Variants in NRP1 observed in about 807,000 individuals in gnomAD.
NRP1 encodes neuropilin-1.
Under a neutral mutation model 106.7 loss-of-function variants are expected in NRP1, and 35 were observed. The ratio of observed to expected loss-of-function variants is 0.33; its 90% CI spans 0.25 to 0.43. NRP1 has a LOEUF of 0.43. Ranked by LOEUF, NRP1 falls within the 20% of genes least tolerant of loss-of-function variation. The pLI, the probability that NRP1 is intolerant of heterozygous loss-of-function variation, is 1.00. For synonymous variants in NRP1, 437 were observed against 417.9 expected (o/e 1.05, Z -0.56); for missense variants, 1,024 against 1,170.4 (o/e 0.87, Z 1.83).
intron 2 of NRP1, among the ~76,000 whole-genome samples, chr10:33,310,477 C>T (rs547766570): frequency 2.0e-5 from 3 of 151,786 alleles, no homozygotes; most frequent in African/African-American, 7.3e-5. Context: ...TTTTGAACTC[C>T]TGACCTCAAG....
intron 8 of NRP1, among the ~76,000 whole-genome samples, chr10:33,221,011 G>A (rs1159384640): frequency 6.6e-6 from 1 of 151,912 alleles, no homozygotes; most frequent in African/African-American, 2.4e-5. Context: ...TGGGAGGATA[G>A]CTTGAGTCCA....
chr10:33,237,576 C>CTT (rs36019831), intron 6 of NRP1, among the ~76,000 whole-genome samples: 1,682 of 99,850 alleles, frequency 0.017, 158 homozygotes, highest in East Asian at 0.1. Context: ...TTTCCTTCTT[C>CTT]TTTTTTTTTT....
intron 2 of NRP1, 40 bp downstream of exon 2, chr10:33,330,668 A>G: frequency 6.4e-7 from 1 of 1,561,478 alleles, no homozygotes; most frequent in South Asian, 1.2e-5. Flanking sequence ...TGACCACTAG[A>G]TGGTGCTGTG....
chr10:33,193,578 GAACTTA>G (rs1836566861), intron 12 of NRP1, among the ~76,000 whole-genome samples: 2 of 152,176 alleles, frequency 1.3e-5, no homozygotes, highest in African/African-American at 4.8e-5. Flanking sequence ...CTGGACCGTT[GAACTTA>G]AAAATAAGCC....
chr10:33,201,999 G>A (rs1265122888), intron 11 of NRP1: 1 of 152,128 alleles, frequency 6.6e-6, no homozygotes, highest in Non-Finnish European at 1.5e-5. Context: ...TTTTGCCCAT[G>A]GAAATTAATT....
Position 33,270,779 on chromosome 10 carries a change from G to T in NRP1, c.326C>A (p.Pro109His). The T allele has an allele frequency of 6.2e-7, 1 of 1,613,858 alleles. No homozygotes were observed. Reference protein sequence around the residue: ...FRGKFCGKIAPPPVVSSGPFL... With the variant: ...FRGKFCGKIAHPPVVSSGPFL... ...TGGCCCTGAAGACACAACAGGAGGA[G>T]GGGCTATCTTTCCACAGAACTTTCC... The change falls in exon 3 of 17, where the codon CCT (proline) becomes CAT (histidine). Residue 109 changes from proline (P) to histidine (H), a missense_variant. Pro to His is a moderately conservative substitution (Grantham distance 77, BLOSUM62 -2). This residue lies in a region of NRP1 where 279 missense variants were observed against 327.4 expected (regional missense o/e 0.85). Transcript: ENST00000374867.
intron 2 of NRP1, among the ~76,000 whole-genome samples, chr10:33,329,599 C>T (rs1186026773): frequency 2.0e-5 from 3 of 152,234 alleles, no homozygotes; most frequent in East Asian, 1.9e-4. Flanking sequence ...TATACGGTTA[C>T]ACCAAACTGA....
At chr10:33,320,044 G>A (rs1001987650) in intron 2 of NRP1, among the ~76,000 whole-genome samples, 9 of 150,626 alleles carry the variant, frequency 6.0e-5, no homozygotes, top group Non-Finnish European at 1.2e-4. Context: ...CGGGCGTGGT[G>A]GCTCACGCCT....
At chr10:33,202,528 C>G in intron 11 of NRP1, 1 of 1,294,890 alleles carries the variant, frequency 7.7e-7, no homozygotes, top group Non-Finnish European at 1.0e-6. Flanking sequence ...AATAAACATT[C>G]TGAAGTGTGT....
At chr10:33,194,624 C>T (rs750966341) in intron 12 of NRP1, 3 of 449,316 alleles carry the variant, frequency 6.7e-6, no homozygotes, top group African/African-American at 2.0e-5. Context: ...CCAGGTGAAC[C>T]GCTCTAAGTT....
chr10:33,289,402 G>A (rs139044310), intron 2 of NRP1, among the ~76,000 whole-genome samples: 1 of 152,184 alleles, frequency 6.6e-6, no homozygotes, highest in African/African-American at 2.4e-5. Context: ...AAATCCCTAG[G>A]TGCTTATATC....
At chr10:33,326,118 A>C (rs1847874573) in intron 2 of NRP1, among the ~76,000 whole-genome samples, 1 of 152,198 alleles carries the variant, frequency 6.6e-6, no homozygotes, top group Non-Finnish European at 1.5e-5. Flanking sequence ...TTTGCTCAGC[A>C]GTATTTGTCA....
At chr10:33,253,614 A>G (rs1477700817) in intron 6 of NRP1, among the ~76,000 whole-genome samples, 2 of 152,236 alleles carry the variant, frequency 1.3e-5, no homozygotes, top group African/African-American at 2.4e-5. Flanking sequence ...ATACACGTCT[A>G]TAAACAGGAT....
intron 3 of NRP1, among the ~76,000 whole-genome samples, chr10:33,268,972 CA>C (rs776548878): frequency 2.6e-5 from 4 of 152,174 alleles, no homozygotes; most frequent in Non-Finnish European, 5.9e-5. Context: ...GAAGTTGTCG[CA>C]ACGTTTCCTG....
Position 33,226,115 on chromosome 10 carries a change from C to T in NRP1, c.1137+19G>A, listed in dbSNP as rs376524934. The T allele has an allele frequency of 1.2e-5, 20 of 1,612,184 alleles. No individual in the cohort carries two copies. The highest frequency in any genetic ancestry group is 5.0e-5 in the Admixed American group (3 of 59,884). ...ATTTAAAAGACCAAATTGGTTGCCACGGTGGCAGCCTAACTTACAACAGGT... is the reference window on the plus strand; with the variant it reads ...ATTTAAAAGACCAAATTGGTTGCCATGGTGGCAGCCTAACTTACAACAGGT... On this transcript the variant is annotated intron_variant, in intron 7 of 16. Transcript: ENST00000374867.
chr10:33,192,177 C>A, intron 13 of NRP1, 104 bp downstream of exon 13: 1 of 1,278,584 alleles, frequency 7.8e-7, no homozygotes, highest in Non-Finnish European at 1.1e-6. Context: ...GTAGTAATTC[C>A]TACCCGCCCT....
intron 2 of NRP1, among the ~76,000 whole-genome samples, chr10:33,291,470 G>A (rs1212449186): frequency 1.3e-5 from 2 of 152,156 alleles, no homozygotes; most frequent in Non-Finnish European, 2.9e-5. Context: ...CTGCTTCAGG[G>A]CAAGAAAAAG....
In NRP1 at chr10:33,203,722, C is replaced by CTTT. The variant is rs34343692; in HGVS notation, c.1760-730_1760-728dup. ...GGTATCCAATATTAATCAAAGACTGCTTTTTTTTTTTTTTTTTTTTTTTTT... is the reference window on the plus strand; with the variant it reads ...GGTATCCAATATTAATCAAAGACTGCTTTTTTTTTTTTTTTTTTTTTTTTTTTT... On this transcript the variant is annotated intron_variant, in intron 10 of 16. Coordinates refer to ENST00000374867, the MANE Select transcript of NRP1 (RefSeq NM_003873.7). 1.8e-3 allele frequency among the ~76,000 whole-genome samples: 122 copies of CTTT among 68,142 alleles called. 16 individuals carry two copies. The highest frequency in any genetic ancestry group is 4.0e-3 in the African/African-American group (57 of 14,220). 44.7% of individuals were successfully genotyped at this position (68,142 alleles called of 152,430 possible). A position where few individuals can be genotyped will look rare whatever the true frequency, so the allele number is the denominator to read the frequency against.
rs895571805 is a variant in NRP1 at position 33,275,595 on chromosome 10, C to CA, written c.249-4740dup. Among the ~76,000 whole-genome samples the CA allele has an allele frequency of 6.2e-3, 883 of 141,862 alleles. 3 individuals are homozygous for CA. Among genetic ancestry groups the CA allele is most frequent in the Middle Eastern group, 0.015 (4 of 272 alleles). The allele number at this position is 141,862 out of a possible 152,430, so 93.1% of individuals were successfully genotyped here. A position where few individuals can be genotyped will look rare whatever the true frequency, so the allele number is the denominator to read the frequency against. ...ACAAACAAACGAAAACAACACCAAC[C>CA]AAAAAAAAAAACCATGTTCAGGCCA... On this transcript the variant is annotated intron_variant, in intron 2 of 16. Coordinates refer to ENST00000374867, the MANE Select transcript of NRP1 (RefSeq NM_003873.7).
Sources: gnomAD v4.1 joint callset for allele counts (sites outside exome capture counted in the v4.1 genomes callset) on GRCh38, gnomAD v4.1.1 for gene constraint, gnomAD v4.1.1 regional missense constraint, MANE v1.5 for transcripts, NCBI Gene and HGNC (gene_info 2026-07-23, HGNC 2026-07-21) for gene names.